The following VPS13B variants were observed in gnomAD, a reference collection of about 807,000 sequenced individuals.
VPS13B encodes vacuolar protein sorting 13 homolog B.
VPS13B carries 285 observed loss-of-function variants against 426.4 expected under a neutral mutation model. The observed-to-expected ratio is 0.67, with a 90% CI of 0.61 to 0.74. The LOEUF (loss-of-function observed/expected upper bound fraction) is 0.74, where lower values mean the gene tolerates loss of function less well. Among genes scored for constraint, VPS13B ranks in the 30% least tolerant of loss-of-function variants. The pLI is 0.00. For synonymous variants in VPS13B, 1,676 were observed against 1,676.4 expected (o/e 1.00, Z 0.01); for missense variants, 4,537 against 4,782.6 (o/e 0.95, Z 1.51).
At chr8:99,018,783 G>A (rs979915555) in intron 2 of VPS13B, among the ~76,000 whole-genome samples, 10 of 47,026 alleles carry the variant, frequency 2.1e-4, no homozygotes, top group Non-Finnish European at 1.0e-4. Context: ...TTTCCAATGA[G>A]TTTTAAAAAA....
At chr8:99,077,457 C>T (rs1845194919) in intron 3 of VPS13B, among the ~76,000 whole-genome samples, 1 of 151,860 alleles carries the variant, frequency 6.6e-6, no homozygotes, top group Non-Finnish European at 1.5e-5. Flanking sequence ...AGCTTGGGTC[C>T]CCGTGCCTGG....
At chr8:99,871,124 T>A in intron 60 of VPS13B, 1 of 602,592 alleles carries the variant, frequency 1.7e-6, no homozygotes, top group Admixed American at 2.9e-5. Flanking sequence ...AGGAAGGTCA[T>A]ACATTGGCAG....
intron 39 of VPS13B, among the ~76,000 whole-genome samples, chr8:99,739,511 G>C (rs1338381085): frequency 6.6e-6 from 1 of 152,204 alleles, no homozygotes; most frequent in Non-Finnish European, 1.5e-5. Flanking sequence ...ATCTGAGAAT[G>C]GACAGACTGC....
At chr8:99,036,014 G>T (rs1842728701) in intron 2 of VPS13B, among the ~76,000 whole-genome samples, 1 of 152,010 alleles carries the variant, frequency 6.6e-6, no homozygotes, top group South Asian at 2.1e-4. Context: ...TTTTGTTGTT[G>T]ATTAGTCATA....
chr8:99,203,474 A>G lies in VPS13B; in HGVS notation c.2515+10417A>G, dbSNP rs374346094. 3.9e-5 allele frequency among the ~76,000 whole-genome samples: 6 copies of G among 152,338 alleles called. No homozygotes were observed. In the East Asian group the frequency reaches 1.2e-3, roughly 29 times the overall value. On this transcript the variant is annotated intron_variant, in intron 17 of 61. Transcript: ENST00000357162. ...GCACAAGACAAGTATGCCCTCTCTT[A>G]GCACTCCTATTCAACATAGTATTGG...
intron 8 of VPS13B, among the ~76,000 whole-genome samples, chr8:99,129,558 C>G (rs2132540798): frequency 9.2e-6 from 1 of 108,934 alleles, no homozygotes; most frequent in South Asian, 2.8e-4. Context: ...CCAAGCAAGA[C>G]TGTGTCTCCT....
intron 32 of VPS13B, among the ~76,000 whole-genome samples, chr8:99,576,948 C>CATACTGTGGCTCTTAG (rs1825806285): frequency 6.6e-6 from 1 of 152,122 alleles, no homozygotes; most frequent in Admixed American, 6.5e-5. Context: ...GGAGAATATT[C>CATACTGTGGCTCTTAG]ATACTGTGGC....
At chr8:99,183,028 C>T (rs139877922) in intron 16 of VPS13B, among the ~76,000 whole-genome samples, 14 of 152,184 alleles carry the variant, frequency 9.2e-5, no homozygotes, top group South Asian at 4.1e-4. Flanking sequence ...CGTGAGCCAC[C>T]GCACCTGGCT....
At chr8:99,739,079 G>A (rs1365088790) in intron 39 of VPS13B, among the ~76,000 whole-genome samples, 1 of 152,222 alleles carries the variant, frequency 6.6e-6, no homozygotes, top group Non-Finnish European at 1.5e-5. Flanking sequence ...CCTAGTCAAA[G>A]AAAGGGGTGA....
At chr8:99,115,248 T>G (rs1226029626) in intron 6 of VPS13B, among the ~76,000 whole-genome samples, 1 of 152,088 alleles carries the variant, frequency 6.6e-6, no homozygotes, top group African/African-American at 2.4e-5. Context: ...TATGTATTCT[T>G]TATGGTTAAT....
At chr8:99,706,364 C>T (rs1029026703) in intron 36 of VPS13B, among the ~76,000 whole-genome samples, 6 of 152,092 alleles carry the variant, frequency 3.9e-5, no homozygotes, top group Admixed American at 6.6e-5. Flanking sequence ...TTCTGTTTAC[C>T]GTGTGTTACA....
intron 42 of VPS13B, 44 bp downstream of exon 42, chr8:99,779,075 C>A (rs1259876091): frequency 1.3e-6 from 2 of 1,541,224 alleles, no homozygotes; most frequent in African/African-American, 2.7e-5. Context: ...CACATATGAT[C>A]TTTTATTAGG....
At chr8:99,550,761 T>G (rs751424581) in intron 30 of VPS13B, among the ~76,000 whole-genome samples, 8 of 152,240 alleles carry the variant, frequency 5.3e-5, no homozygotes, top group Middle Eastern at 3.4e-3. Flanking sequence ...CTTTTAAGTA[T>G]TAACTTTTAT....
intron 21 of VPS13B, among the ~76,000 whole-genome samples, chr8:99,412,805 C>T (rs1325327180): frequency 6.6e-6 from 1 of 152,062 alleles, no homozygotes; most frequent in Non-Finnish European, 1.5e-5. Flanking sequence ...TATTGAAGTC[C>T]TTTGCTGCAC....
At chr8:99,423,434 T>G (rs202124333) in intron 21 of VPS13B, among the ~76,000 whole-genome samples, 32 of 148,958 alleles carry the variant, frequency 2.1e-4, no homozygotes, top group African/African-American at 5.6e-4. Context: ...TTTTTTTTTT[T>G]TTTTTGTATT....
intron 18 of VPS13B, among the ~76,000 whole-genome samples, chr8:99,274,707 A>G (rs926589160): frequency 6.6e-6 from 1 of 152,062 alleles, no homozygotes; most frequent in Non-Finnish European, 1.5e-5. Context: ...TTTGGTTGTA[A>G]ATGACTTTAC....
rs1467869854 is a variant in VPS13B, at chr8:99,695,885, T to A, written c.6047-3640T>A. 3.9e-5 allele frequency: 6 copies of A among 152,204 alleles called. No individual in the cohort carries two copies. In the East Asian group the frequency reaches 9.7e-4, roughly 25 times the overall value. The allele number at this position is 152,204 out of a possible 1,614,324, so 9.4% of individuals were successfully genotyped here. On this transcript the variant is annotated intron_variant, in intron 35 of 61. Coordinates refer to ENST00000357162, the MANE Select transcript of VPS13B (RefSeq NM_152564.5). ...GCTCATGAAGATGTAGAATATTAAG[T>A]ATGAGTGAATGCTGTAATCAATCAT...
chr8:99,086,714 G>T (rs1350822703), intron 3 of VPS13B, among the ~76,000 whole-genome samples: 1 of 152,304 alleles, frequency 6.6e-6, no homozygotes, highest in East Asian at 1.9e-4. Flanking sequence ...TGGTTTGCTG[G>T]AGGTCCACTC....
At chr8:99,148,521 A>G (rs973872403) in intron 14 of VPS13B, among the ~76,000 whole-genome samples, 1 of 152,196 alleles carries the variant, frequency 6.6e-6, no homozygotes, top group African/African-American at 2.4e-5. Context: ...TTGAGAGTGT[A>G]TAAAGAAATG....
Sources: gnomAD v4.1 joint callset for allele counts (sites outside exome capture counted in the v4.1 genomes callset) on GRCh38, gnomAD v4.1.1 for gene constraint, MANE v1.5 for transcripts, NCBI Gene and HGNC (gene_info 2026-07-23, HGNC 2026-07-21) for gene names.